Variants in GNB1L observed in about 807,000 individuals in gnomAD.
The protein encoded by GNB1L is G protein subunit beta 1 like.
Under a neutral mutation model 29.1 loss-of-function variants are expected in GNB1L, and 20 were observed. The ratio of observed to expected loss-of-function variants is 0.69; its 90% CI spans 0.48 to 1.00. The LOEUF (loss-of-function observed/expected upper bound fraction) is 1.00, where lower values mean the gene tolerates loss of function less well. Ranked by LOEUF, GNB1L falls within the 50% of genes least tolerant of loss-of-function variation. GNB1L has a pLI of 0.00. For synonymous variants in GNB1L, 193 were observed against 206.5 expected (o/e 0.93, Z 0.56); for missense variants, 421 against 464.9 (o/e 0.91, Z 0.87).
intron 2 of GNB1L, among the ~76,000 whole-genome samples, chr22:19,845,705 G>C (rs1238595419): frequency 6.6e-6 from 1 of 152,184 alleles, no homozygotes; most frequent in Non-Finnish European, 1.5e-5. Context: ...GAAAAACTAA[G>C]GGAGCAACGG....
At chr22:19,823,621 A>G (rs1449128210) in intron 2 of GNB1L, among the ~76,000 whole-genome samples, 1 of 152,208 alleles carries the variant, frequency 6.6e-6, no homozygotes, top group African/African-American at 2.4e-5. Context: ...ACTCCAGTCC[A>G]GGAAGCAGAG....
chr22:19,846,886 G>A (rs768355288), intron 2 of GNB1L: 6 of 968,234 alleles, frequency 6.2e-6, no homozygotes, highest in Middle Eastern at 5.2e-4. Context: ...CCTAGCCTGC[G>A]GTCCTTTGTC....
At chr22:19,800,738 T>C (rs926431221) in intron 7 of GNB1L, among the ~76,000 whole-genome samples, 1 of 152,206 alleles carries the variant, frequency 6.6e-6, no homozygotes, top group African/African-American at 2.4e-5. Context: ...ACAGCTCTCC[T>C]GCAAGTCTAC....
chr22:19,848,539 C>G, intron 2 of GNB1L: 1 of 985,542 alleles, frequency 1.0e-6, no homozygotes, highest in Non-Finnish European at 1.2e-6. Flanking sequence ...GTTGCCTCCA[C>G]CCTACCTGTG....
intron 7 of GNB1L, chr22:19,792,398 G>T: frequency 6.8e-7 from 1 of 1,480,116 alleles, no homozygotes; most frequent in Non-Finnish European, 9.3e-7. Flanking sequence ...TTGAGAAAAG[G>T]CCTAAGAATT....
At chr22:19,827,152 G>T (rs1342958326) in intron 2 of GNB1L, among the ~76,000 whole-genome samples, 3 of 151,930 alleles carry the variant, frequency 2.0e-5, no homozygotes, top group Non-Finnish European at 4.4e-5. Context: ...AATTTCCTTG[G>T]AAGGATAACA....
intron 2 of GNB1L, chr22:19,849,883 C>G: frequency 2.0e-6 from 2 of 985,502 alleles, no homozygotes; most frequent in Non-Finnish European, 2.4e-6. Flanking sequence ...CCTGCCTATC[C>G]TGTGGTAAAC....
At position 19,842,081 on chromosome 22, in the gene GNB1L, C is replaced by A. The variant is rs551279767; in HGVS notation, c.-21+12362G>T. On this transcript the variant is annotated intron_variant, in intron 2 of 7. Transcript: ENST00000329517. ...GGCTACACCTGGAACCAGAAAGGCA[C>A]TCCCTGGACAGGCCTGTCCTGAGCA... is the stretch of plus-strand genomic sequence containing the variant. Among the ~76,000 whole-genome samples the A allele has an allele frequency of 6.1e-4, 93 of 152,358 alleles. No homozygotes were observed. In the South Asian group the frequency reaches 0.013, roughly 22 times the overall value.
chr22:19,830,696 A>C (rs1474417469), intron 2 of GNB1L, among the ~76,000 whole-genome samples: 2 of 152,246 alleles, frequency 1.3e-5, no homozygotes, highest in Non-Finnish European at 2.9e-5. Flanking sequence ...AGTTGATATT[A>C]ACACTCACTT....
intron 6 of GNB1L, among the ~76,000 whole-genome samples, chr22:19,802,698 T>A (rs1438770293): frequency 6.6e-6 from 1 of 152,216 alleles, no homozygotes; most frequent in Non-Finnish European, 1.5e-5. Context: ...GTCACCTGTC[T>A]AGAGCCGCCA....
chr22:19,796,682 G>T (rs984831726), intron 7 of GNB1L, among the ~76,000 whole-genome samples: 3 of 152,154 alleles, frequency 2.0e-5, no homozygotes, highest in Non-Finnish European at 4.4e-5. Flanking sequence ...GCCTGGAAGT[G>T]GGGGGAGGAA....
At chr22:19,824,835 G>A (rs137877254) in intron 2 of GNB1L, among the ~76,000 whole-genome samples, 36 of 152,326 alleles carry the variant, frequency 2.4e-4, no homozygotes, top group Middle Eastern at 3.4e-3. Flanking sequence ...GCAGGGCTGC[G>A]GCAGTGGCTG....
intron 2 of GNB1L, chr22:19,847,239 A>C (rs896127549): frequency 6.5e-5 from 64 of 985,372 alleles, no homozygotes; most frequent in Non-Finnish European, 7.0e-5. Context: ...CCACAGGTGC[A>C]AGCAAGAAAT....
chr22:19,812,574 A>G, intron 4 of GNB1L, 127 bp from the exon 5 acceptor site: 1 of 887,806 alleles, frequency 1.1e-6, no homozygotes, highest in Admixed American at 2.8e-5. Context: ...GGATCATCGC[A>G]GGTCGGGAGC....
intron 2 of GNB1L, chr22:19,848,415 A>G: frequency 2.3e-5 from 23 of 985,514 alleles, no homozygotes; most frequent in Non-Finnish European, 2.8e-5. Context: ...CCCCAGCAGG[A>G]AAGCAGCTTG....
intron 2 of GNB1L, chr22:19,846,293 T>A (rs1043845774): frequency 1.8e-5 from 8 of 433,216 alleles, no homozygotes; most frequent in African/African-American, 1.7e-4. Context: ...AGGTTGAATG[T>A]CAAAGGCAGA....
At chr22:19,852,138 G>A (rs1292212937) in intron 2 of GNB1L, 5 of 1,614,180 alleles carry the variant, frequency 3.1e-6, no homozygotes, top group Non-Finnish European at 4.2e-6. Flanking sequence ...GGATCCACAA[G>A]GGGGGTGTAT....
rs568846598 is a variant in GNB1L at position 19,817,079 on chromosome 22, G to A, written c.254+3519C>T. 1.8e-4 allele frequency among the ~76,000 whole-genome samples: 28 copies of A among 152,350 alleles called. No homozygotes were observed. In the South Asian group the frequency reaches 3.9e-3, roughly 21 times the overall value. The stretch of plus-strand genomic sequence containing the variant: ...AAAGTTCCTGGGAGACATGGAGAGA[G>A]GTCTCTCGGACCTCGGTGCAGGAAC... On this transcript the variant is annotated intron_variant, in intron 4 of 7. Coordinates refer to ENST00000329517, the MANE Select transcript of GNB1L (RefSeq NM_053004.3).
intron 2 of GNB1L, chr22:19,850,352 T>A: frequency 2.0e-6 from 2 of 986,134 alleles, no homozygotes; most frequent in Non-Finnish European, 2.4e-6. Flanking sequence ...CCAAGTCATT[T>A]ACACACTAGG....
Sources: allele counts gnomAD v4.1 joint callset (sites outside exome capture counted in the v4.1 genomes callset), GRCh38; gene constraint gnomAD v4.1.1; transcripts MANE v1.5; gene names NCBI Gene and HGNC (gene_info 2026-07-23, HGNC 2026-07-21).